MAGI3: variants seen among roughly 807,000 people sequenced by gnomAD.
MAGI3 encodes the protein membrane-associated guanylate kinase, WW and PDZ domain-containing protein 3.
Under a neutral mutation model 121.8 loss-of-function variants are expected in MAGI3, and 43 were observed. The observed-to-expected ratio is 0.35, with a 90% CI of 0.28 to 0.46. The LOEUF (loss-of-function observed/expected upper bound fraction) is 0.46, where lower values mean the gene tolerates loss of function less well. Among genes scored for constraint, MAGI3 ranks in the 20% least tolerant of loss-of-function variants. The pLI, the probability that MAGI3 is intolerant of heterozygous loss-of-function variation, is 1.00. For missense variants in MAGI3, 1,547 were observed against 1,797.3 expected, an observed-to-expected ratio of 0.86 and a Z score of 2.52; for synonymous variants, 553 against 639.3, an observed-to-expected ratio of 0.86 and a Z score of 2.04.
chr1:113,394,720 A>C (rs1005408199), intron 1 of MAGI3, among the ~76,000 whole-genome samples: 1 of 152,178 alleles, frequency 6.6e-6, no homozygotes. Flanking sequence ...TTTATTCCAG[A>C]GATTAAGTAT....
intron 2 of MAGI3, among the ~76,000 whole-genome samples, chr1:113,573,085 CCTG>C (rs1647409392): frequency 6.6e-6 from 1 of 152,100 alleles, no homozygotes; most frequent in South Asian, 2.1e-4. Flanking sequence ...GCCACTACAC[CCTG>C]CTAATTTTTT....
intron 2 of MAGI3, among the ~76,000 whole-genome samples, chr1:113,573,292 G>A (rs1325043689): frequency 1.3e-5 from 2 of 152,154 alleles, no homozygotes; most frequent in African/African-American, 4.8e-5. Flanking sequence ...ACATTAGGTT[G>A]TCTATTTTAG....
chr1:113,469,458 C>T (rs1440285361), intron 1 of MAGI3, among the ~76,000 whole-genome samples: 1 of 152,008 alleles, frequency 6.6e-6, no homozygotes, highest in African/African-American at 2.4e-5. Flanking sequence ...TTTACTTAGG[C>T]CTTACAATCT....
chr1:113,433,385 T>C (rs903393813), intron 1 of MAGI3, among the ~76,000 whole-genome samples: 1 of 152,230 alleles, frequency 6.6e-6, no homozygotes, highest in African/African-American at 2.4e-5. Context: ...TCCTGAGTCA[T>C]TAAATAGAAC....
intron 8 of MAGI3, among the ~76,000 whole-genome samples, chr1:113,621,382 A>G (rs1650807704): frequency 6.6e-6 from 1 of 152,172 alleles, no homozygotes; most frequent in Admixed American, 6.6e-5. Flanking sequence ...ATTTGACAGT[A>G]GGGAGGTCAT....
chr1:113,572,820 T>C (rs914278838), intron 2 of MAGI3, among the ~76,000 whole-genome samples: 3 of 152,202 alleles, frequency 2.0e-5, no homozygotes, highest in African/African-American at 7.2e-5. Context: ...GCCTGTTTTG[T>C]TAATCTTTTC....
intron 1 of MAGI3, among the ~76,000 whole-genome samples, chr1:113,432,518 G>T (rs1234251174): frequency 6.6e-6 from 1 of 152,122 alleles, no homozygotes; most frequent in Middle Eastern, 3.4e-3. Context: ...GATAGGGAAG[G>T]GTTGTTTTTA....
At position 113,469,513 on chromosome 1, in the gene MAGI3, C is replaced by CT. The variant is rs1008693524; in HGVS notation, c.316+78175dup. On this transcript the variant is annotated intron_variant, in intron 1 of 20. Coordinates refer to ENST00000307546, the MANE Select transcript of MAGI3 (RefSeq NM_001142782.2). ...TTTATTAAAGTTCAGCAAGCAAAGTCTTTTTTTTTTTCTGTTCGGCATCAG... is the reference window on the plus strand; with the variant it reads ...TTTATTAAAGTTCAGCAAGCAAAGTCTTTTTTTTTTTTCTGTTCGGCATCAG... Among the ~76,000 whole-genome samples the CT allele has an allele frequency of 9.0e-3, 1,306 of 144,666 alleles. 24 individuals carry two copies. The highest frequency in any genetic ancestry group is 0.031 in the African/African-American group (1,226 of 39,648). 94.9% of individuals were successfully genotyped at this position (144,666 alleles called of 152,430 possible). A position where few individuals can be genotyped will look rare whatever the true frequency, so the allele number is the denominator to read the frequency against.
At chr1:113,419,477 G>A (rs746862673) in intron 1 of MAGI3, among the ~76,000 whole-genome samples, 41 of 152,130 alleles carry the variant, frequency 2.7e-4, no homozygotes, top group Non-Finnish European at 5.3e-4. Flanking sequence ...ATTATGCTTG[G>A]TGAGGGCAAG....
intron 7 of MAGI3, among the ~76,000 whole-genome samples, chr1:113,617,385 T>A (rs1228053239): frequency 1.3e-5 from 2 of 152,300 alleles, no homozygotes; most frequent in East Asian, 3.9e-4. Flanking sequence ...AAAACAAAAT[T>A]TGTTGTGTCT....
At chr1:113,618,963 T>C (rs1650655331) in intron 7 of MAGI3, among the ~76,000 whole-genome samples, 1 of 152,276 alleles carries the variant, frequency 6.6e-6, no homozygotes, top group South Asian at 2.1e-4. Flanking sequence ...TCCACTTAAC[T>C]GGCTTGCCAG....
intron 9 of MAGI3, among the ~76,000 whole-genome samples, chr1:113,631,750 T>A (rs77078565): frequency 1.0e-3 from 152 of 152,306 alleles, no homozygotes; most frequent in South Asian, 3.5e-3. Context: ...ATCTTACTGG[T>A]TATTAAATTG....
intron 1 of MAGI3, among the ~76,000 whole-genome samples, chr1:113,480,797 A>G (rs1253208052): frequency 2.6e-5 from 4 of 151,994 alleles, no homozygotes; most frequent in South Asian, 2.1e-4. Context: ...TGATGTTTCT[A>G]TGAGGGGACA....
chr1:113,434,288 G>A (rs551345468), intron 1 of MAGI3, among the ~76,000 whole-genome samples: 5 of 152,230 alleles, frequency 3.3e-5, no homozygotes, highest in African/African-American at 1.2e-4. Flanking sequence ...CACACTGATA[G>A]GCCAGGCAAG....
At chr1:113,488,307 A>G (rs1216397515) in intron 1 of MAGI3, among the ~76,000 whole-genome samples, 1 of 152,208 alleles carries the variant, frequency 6.6e-6, no homozygotes, top group East Asian at 1.9e-4. Context: ...AGCCATCCCC[A>G]TAGGCTCAAC....
rs1022016167 is a variant in MAGI3, at chr1:113,585,501, C to T, written c.668C>T (p.Thr223Met). The change falls in exon 4 of 21, where the codon ACG becomes ATG. Residue 223 changes from threonine (T) to methionine (M), a missense_variant. By Grantham distance (81) the Thr-to-Met change is moderately conservative. Transcript: ENST00000307546. ...EFDAESQRKR[T>M]TSVSKMERMD... is the part of the protein sequence containing the mutation. ...GATGCAGAATCTCAAAGAAAACGAA[C>T]GACATCTGTCAGCAAGATGGAAAGA... 7 of 1,613,886 alleles carry T rather than the reference C, an allele frequency of 4.3e-6. No homozygotes were observed. Among genetic ancestry groups the T allele is most frequent in the Non-Finnish European group, 5.9e-6 (7 of 1,180,000 alleles).
chr1:113,674,743 T>C (rs1647772288), intron 19 of MAGI3, among the ~76,000 whole-genome samples: 2 of 152,218 alleles, frequency 1.3e-5, no homozygotes. Context: ...ATTGAGTGTT[T>C]GCATTACCCA....
At chr1:113,593,504 C>T (rs757130598) in intron 5 of MAGI3, among the ~76,000 whole-genome samples, 1 of 152,170 alleles carries the variant, frequency 6.6e-6, no homozygotes, top group African/African-American at 2.4e-5. Flanking sequence ...GATCATGCCA[C>T]TGCACTCCAA....
At chr1:113,439,204 C>T (rs1386339038) in intron 1 of MAGI3, among the ~76,000 whole-genome samples, 1 of 152,214 alleles carries the variant, frequency 6.6e-6, no homozygotes, top group Non-Finnish European at 1.5e-5. Flanking sequence ...TAGAGTGGAA[C>T]AGCACGAGAT....
Sources: allele counts gnomAD v4.1 joint callset (sites outside exome capture counted in the v4.1 genomes callset), GRCh38; gene constraint gnomAD v4.1.1; transcripts MANE v1.5; gene names NCBI Gene and HGNC (gene_info 2026-07-23, HGNC 2026-07-21).